Variants in SYTL3 observed in about 807,000 individuals in gnomAD.
The protein encoded by SYTL3 is synaptotagmin like 3.
Under a neutral mutation model 82.1 loss-of-function variants are expected in SYTL3, and 88 were observed. That is an observed-to-expected ratio of 1.07 (90% CI 0.90 to 1.28). The LOEUF (loss-of-function observed/expected upper bound fraction) is 1.28, where lower values mean the gene tolerates loss of function less well. SYTL3 is among the 50% of genes most tolerant of loss of function. SYTL3 has a pLI of 0.00. For synonymous variants in SYTL3, 311 were observed against 289.4 expected, an observed-to-expected ratio of 1.07 and a Z score of -0.76; for missense variants, 831 against 757.6, an observed-to-expected ratio of 1.10 and a Z score of -1.14.
At chr6:158,712,411 C>G (rs1782851538) in intron 8 of SYTL3, among the ~76,000 whole-genome samples, 1 of 152,178 alleles carries the variant, frequency 6.6e-6, no homozygotes, top group Admixed American at 6.5e-5. Context: ...AAGTGGATGC[C>G]TACAATTAAG....
At chr6:158,719,727 G>A (rs1783844650) in intron 10 of SYTL3, among the ~76,000 whole-genome samples, 1 of 152,212 alleles carries the variant, frequency 6.6e-6, no homozygotes, top group Non-Finnish European at 1.5e-5. Context: ...CGTGGTGGCA[G>A]CATTGCTTCT....
chr6:158,654,022 A>G (rs1191380648), intron 2 of SYTL3, among the ~76,000 whole-genome samples: 1 of 152,080 alleles, frequency 6.6e-6, no homozygotes, highest in Non-Finnish European at 1.5e-5. Flanking sequence ...CTTTCACCAG[A>G]TTTAGAAGCC....
intron 6 of SYTL3, among the ~76,000 whole-genome samples, chr6:158,683,333 G>A (rs60979790): frequency 0.032 from 4,771 of 148,854 alleles, 278 homozygotes; most frequent in African/African-American, 0.11. Flanking sequence ...CGATTCTCCT[G>A]CCTCAGCCTC....
chr6:158,725,461 G>C, intron 10 of SYTL3, 42 bp from the exon 11 acceptor site: 1 of 1,605,422 alleles, frequency 6.2e-7, no homozygotes, highest in Admixed American at 1.7e-5. Flanking sequence ...AACCAAACTG[G>C]GATGGAGACT....
intron 11 of SYTL3, among the ~76,000 whole-genome samples, chr6:158,733,118 T>C (rs987093269): frequency 6.6e-6 from 1 of 152,212 alleles, no homozygotes; most frequent in Non-Finnish European, 1.5e-5. Flanking sequence ...TAACTCTTTG[T>C]TAAGCCCTAT....
At chr6:158,758,559 C>G (rs550907136) in intron 14 of SYTL3, among the ~76,000 whole-genome samples, 1 of 152,198 alleles carries the variant, frequency 6.6e-6, no homozygotes, top group Admixed American at 6.5e-5. Context: ...TTTTCCTCTC[C>G]GGAGCCAGCG....
chr6:158,695,026 G>A (rs1489281755), intron 6 of SYTL3, among the ~76,000 whole-genome samples: 1 of 152,132 alleles, frequency 6.6e-6, no homozygotes, highest in East Asian at 1.9e-4. Flanking sequence ...TGCTCTTTTG[G>A]GAGTTGGCAA....
At position 158,757,257 on chromosome 6, in the gene SYTL3, C is replaced by T. The variant is rs768636872; in HGVS notation, c.1184C>T (p.Ser395Leu). The change falls in exon 14 of 18, where the codon TCG becomes TTG. Residue 395 changes from serine to leucine, a missense_variant. Transcript: ENST00000611299. The part of the protein sequence containing the change: ...AQLVTRQLQV[S>L]VWHLGTLARR... ...CTGGTGACCCGGCAGCTGCAGGTCTCGGTGTGGCATCTGGGCACGCTGGCC... is the reference window on the plus strand; with the variant it reads ...CTGGTGACCCGGCAGCTGCAGGTCTTGGTGTGGCATCTGGGCACGCTGGCC... The T allele has an allele frequency of 1.5e-5, 24 of 1,612,580 alleles. No homozygotes were observed. Among genetic ancestry groups the T allele is most frequent in the South Asian group, 1.3e-4 (12 of 91,052 alleles).
chr6:158,714,274 C>T (rs957049783), intron 9 of SYTL3, among the ~76,000 whole-genome samples: 2 of 152,206 alleles, frequency 1.3e-5, no homozygotes. Flanking sequence ...ATCACTTGAA[C>T]CCAGGAGGCG....
At chr6:158,689,656 T>A (rs1255790546) in intron 6 of SYTL3, among the ~76,000 whole-genome samples, 1 of 152,004 alleles carries the variant, frequency 6.6e-6, no homozygotes, top group Non-Finnish European at 1.5e-5. Context: ...CTTAACTTTT[T>A]TTTTTTTTTC....
intron 5 of SYTL3, among the ~76,000 whole-genome samples, chr6:158,669,718 T>A (rs1364885959): frequency 6.6e-6 from 1 of 152,240 alleles, no homozygotes; most frequent in Non-Finnish European, 1.5e-5. Flanking sequence ...TCCTTAGTTC[T>A]CAGGTTGGGT....
Position 158,760,636 on chromosome 6 carries a change from C to T in SYTL3, c.1309-4C>T. Reference sequence around the variant, plus strand: ...TGTCCCTAAGCTCTGCCTCTTGTCCCCAGGCGGAGAAATACGAAGACAGCG... The same window carrying T: ...TGTCCCTAAGCTCTGCCTCTTGTCCTCAGGCGGAGAAATACGAAGACAGCG... On this transcript the variant is annotated splice_region_variant and splice_polypyrimidine_tract_variant and intron_variant, in intron 14 of 17. Transcript: ENST00000611299. The T allele has an allele frequency of 1.9e-6, 3 of 1,613,062 alleles. No homozygotes were observed. Among genetic ancestry groups the T allele is most frequent in the Non-Finnish European group, 2.5e-6 (3 of 1,179,164 alleles).
At chr6:158,651,408 T>C (rs1420884511) in intron 1 of SYTL3, among the ~76,000 whole-genome samples, 3 of 151,984 alleles carry the variant, frequency 2.0e-5, no homozygotes, top group Non-Finnish European at 2.9e-5. Context: ...CTGGCCAACA[T>C]GGTGAAACTC....
intron 11 of SYTL3, among the ~76,000 whole-genome samples, chr6:158,742,295 T>G (rs7738944): frequency 0.55 from 84,077 of 152,136 alleles, 23,898 homozygotes; most frequent in South Asian, 0.62. Flanking sequence ...ACTGCAATTA[T>G]TTTTGCACTT....
intron 14 of SYTL3, among the ~76,000 whole-genome samples, chr6:158,757,749 G>T (rs1214872118): frequency 6.6e-6 from 1 of 152,212 alleles, no homozygotes; most frequent in Non-Finnish European, 1.5e-5. Context: ...CGGTCCCCCA[G>T]GGGGCTACAG....
At position 158,713,781 on chromosome 6, in the gene SYTL3, C is replaced by T. The variant is rs1372901207; in HGVS notation, c.517-19C>T. 4 of 1,516,330 alleles carry T rather than the reference C, an allele frequency of 2.6e-6. No individual in the cohort carries two copies. In the South Asian group the frequency reaches 3.6e-5, roughly 14 times the overall value. 93.9% of individuals were successfully genotyped at this position (1,516,330 alleles called of 1,614,324 possible). On this transcript the variant is annotated intron_variant, in intron 8 of 17. Transcript: ENST00000611299. ...TCATCAAGCATAATTCTCATTCTCT[C>T]CTTCTGTCTCTGTTTTAGTTACAGG...
chr6:158,674,425 T>C (rs1047669650), intron 5 of SYTL3, among the ~76,000 whole-genome samples: 3 of 152,194 alleles, frequency 2.0e-5, no homozygotes, highest in African/African-American at 7.2e-5. Context: ...TTCCCTCTGG[T>C]TCCACGGTGA....
rs989717551 is a variant in SYTL3, at chr6:158,682,840, G to A, written c.330-85G>A. The A allele has an allele frequency of 6.0e-6, 6 of 992,702 alleles. No individual in the cohort carries two copies. The African/African-American group carries it at 9.8e-5, about 16-fold the overall frequency. The allele number at this position is 992,702 out of a possible 1,614,324, so 61.5% of individuals were successfully genotyped here. On this transcript the variant is annotated intron_variant, in intron 5 of 17. Transcript: ENST00000611299. Reference sequence around the variant, plus strand: ...GTCCATTGCAAGACTAATATTTTGTGACCTTACCTAACCCTTAAAAGGGGT... The same window carrying A: ...GTCCATTGCAAGACTAATATTTTGTAACCTTACCTAACCCTTAAAAGGGGT...
At chr6:158,707,837 A>G (rs911441336) in intron 7 of SYTL3, among the ~76,000 whole-genome samples, 2 of 152,214 alleles carry the variant, frequency 1.3e-5, no homozygotes, top group African/African-American at 4.8e-5. Context: ...TGTTTGGCCC[A>G]TGGTGAAATT....
Sources: allele counts gnomAD v4.1 joint callset (sites outside exome capture counted in the v4.1 genomes callset), GRCh38; gene constraint gnomAD v4.1.1; transcripts MANE v1.5; gene names NCBI Gene and HGNC (gene_info 2026-07-23, HGNC 2026-07-21).